Variants in TRIM6 observed in about 807,000 individuals in gnomAD.
The protein encoded by TRIM6 is tripartite motif-containing protein 6.
TRIM6 carries 43 observed loss-of-function variants against 51.2 expected under a neutral mutation model. The ratio of observed to expected loss-of-function variants is 0.84; its 90% CI spans 0.66 to 1.08. The LOEUF (loss-of-function observed/expected upper bound fraction) is 1.08. Among genes scored for constraint, TRIM6 ranks in the 50% least tolerant of loss-of-function variants. The pLI, the probability that TRIM6 is intolerant of heterozygous loss-of-function variation, is 0.00. For synonymous variants in TRIM6, 215 were observed against 232.4 expected (o/e 0.93, Z 0.68); for missense variants, 669 against 619.0 (o/e 1.08, Z -0.86).
intron 1 of TRIM6, 43 bp from the exon 2 acceptor site, chr11:5,603,203 C>G: frequency 6.3e-7 from 1 of 1,581,630 alleles, no homozygotes; most frequent in Non-Finnish European, 8.6e-7. Flanking sequence ...TATTCTCCCT[C>G]CTTTCTTACC....
Position 5,612,345 on chromosome 11 carries a change from A to G in TRIM6, c.*1003A>G, listed in dbSNP as rs1201512002. On this transcript the variant is annotated 3_prime_UTR_variant, in exon 8 of 8. Coordinates refer to ENST00000380097, the MANE Select transcript of TRIM6 (RefSeq NM_001003818.3). ...GTAGCTTCAAACTCAAATTGAAGAG[A>G]GTCTTCACTACAATCTTCACTACAA... is the stretch of plus-strand genomic sequence containing the variant. The G allele has an allele frequency of 6.6e-6, 1 of 152,206 alleles. No individual in the cohort carries two copies. The highest frequency in any genetic ancestry group is 1.5e-5 in the Non-Finnish European group (1 of 68,044). The allele number at this position is 152,206 out of a possible 1,614,324, so 9.4% of individuals were successfully genotyped here.
intron 1 of TRIM6, among the ~76,000 whole-genome samples, chr11:5,601,797 T>C (rs1344696650): frequency 6.6e-6 from 1 of 152,052 alleles, no homozygotes; most frequent in Non-Finnish European, 1.5e-5. Context: ...TTGTGGCCAT[T>C]GCTGTTTCTT....
Position 5,604,614 on chromosome 11 carries a change from GA to G in TRIM6, c.592del (p.Thr198HisfsTer25). ...EKLTAFIREK[K>X]TSWKNQMEPE... ...AGCTAACAGCTTTTATCAGAGAGAA[GA>G]AAACATCCTGGAAGGCAAGGGAGAC... On this transcript the variant is annotated frameshift_variant, in exon 3 of 8. Transcript: ENST00000380097. LOFTEE classifies it high-confidence loss of function. The G allele has an allele frequency of 6.2e-7, 1 of 1,612,924 alleles. No individual in the cohort carries two copies. The highest frequency in any genetic ancestry group is 8.5e-7 in the Non-Finnish European group (1 of 1,179,514).
chr11:5,609,662 C>T (rs1026089350), intron 5 of TRIM6, among the ~76,000 whole-genome samples: 2 of 152,130 alleles, frequency 1.3e-5, no homozygotes, highest in Non-Finnish European at 2.9e-5. Flanking sequence ...GTGACTCACA[C>T]CTGTAATCCC....
chr11:5,604,753 C>A, intron 3 of TRIM6, 124 bp downstream of exon 3: 2 of 997,916 alleles, frequency 2.0e-6, no homozygotes, highest in Non-Finnish European at 2.8e-6. Flanking sequence ...CTTCCCTTTG[C>A]CTGGTCCTCC....
chr11:5,611,293 A>G lies in TRIM6; in HGVS notation c.1502A>G (p.Asn501Ser), dbSNP rs766728889. Residue 501 changes from asparagine to serine, a missense_variant, in exon 8 of 8, where the codon AAT becomes AGT. Physicochemically the swap from Asn to Ser is conservative, Grantham distance 46. Transcript: ENST00000380097. ...YFPTTLCPYF[N>S]PCNCVIPMTL... The stretch of plus-strand genomic sequence containing the variant: ...CCCACTACTCTTTGTCCATATTTTA[A>G]TCCTTGCAACTGTGTAATTCCTATG... 1 of 1,614,066 alleles carries G rather than the reference A, an allele frequency of 6.2e-7. No homozygotes were observed. Among genetic ancestry groups the G allele is most frequent in the South Asian group, 1.1e-5 (1 of 91,078 alleles).
Position 5,605,323 on chromosome 11 carries a change from C to T in TRIM6, c.604-14C>T. On this transcript the variant is annotated splice_polypyrimidine_tract_variant and intron_variant, in intron 3 of 7. Coordinates refer to ENST00000380097, the MANE Select transcript of TRIM6 (RefSeq NM_001003818.3). ...GACCGACTAGCAGCCTCTTTTTCTTCCCTGTTCCTGAAGAATCAGATGGAG... is the reference window on the plus strand; with the variant it reads ...GACCGACTAGCAGCCTCTTTTTCTTTCCTGTTCCTGAAGAATCAGATGGAG... 1 of 1,613,858 alleles carries T rather than the reference C, an allele frequency of 6.2e-7. No homozygotes were observed. The highest frequency in any genetic ancestry group is 8.5e-7 in the Non-Finnish European group (1 of 1,179,944).
At position 5,612,096 on chromosome 11, in the gene TRIM6, C is replaced by G. The variant is rs182720892; in HGVS notation, c.*754C>G. ...GTTACCACAACTTGCTGAAATACAC[C>G]ATTATTATTTGTTGTATGCAATACT... On this transcript the variant is annotated 3_prime_UTR_variant, in exon 8 of 8. Transcript: ENST00000380097. 3.3e-5 allele frequency: 5 copies of G among 152,134 alleles called. No homozygotes were observed. Among genetic ancestry groups the G allele is most frequent in the Non-Finnish European group, 5.9e-5 (4 of 68,024 alleles). The allele number at this position is 152,134 out of a possible 1,614,324, so 9.4% of individuals were successfully genotyped here. A position where few individuals can be genotyped will look rare whatever the true frequency, so the allele number is the denominator to read the frequency against.
upstream of TRIM6, chr11:5,596,515 TCCCCTTCCCCCCTTCCCCCTTCCCCCTTC>T (rs1847459132): frequency 4.0e-5 from 1 of 24,840 alleles, no homozygotes; most frequent in African/African-American, 1.5e-4. Flanking sequence ...TCCCCCGTTC[TCCCCTTCCCCCCTTCCCCCTTCCCCCTTC>T]CCCCTTCCCC....
chr11:5,609,850 G>C (rs535645413), intron 5 of TRIM6, among the ~76,000 whole-genome samples: 1 of 152,294 alleles, frequency 6.6e-6, no homozygotes, highest in East Asian at 1.9e-4. Flanking sequence ...TTGAACCTGG[G>C]AGGTGGAGGT....
chr11:5,605,686 G>A (rs1184202799), intron 4 of TRIM6, 119 bp downstream of exon 4: 15 of 1,215,198 alleles, frequency 1.2e-5, no homozygotes, highest in African/African-American at 7.7e-5. Context: ...TTCCTTTGGC[G>A]CTATAGTGCC....
rs776602610 is a variant in TRIM6, at chr11:5,603,527, G to A, written c.299G>A (p.Arg100Gln). The A allele has an allele frequency of 5.6e-6, 9 of 1,613,900 alleles. No individual in the cohort carries two copies. The highest frequency in any genetic ancestry group is 4.5e-5 in the East Asian group (2 of 44,868). ...SYQPGNLRPNRHLANIVRRLR... is the reference protein window; with the variant it reads ...SYQPGNLRPNQHLANIVRRLR... The stretch of plus-strand genomic sequence containing the variant: ...CAGCCAGGGAACCTGCGGCCTAATC[G>A]GCATCTGGCCAACATAGTGAGGCGG... The change falls in exon 2 of 8, where the codon CGG becomes CAG. Residue 100 changes from arginine (R) to glutamine (Q), a missense_variant. Coordinates refer to ENST00000380097, the MANE Select transcript of TRIM6 (RefSeq NM_001003818.3).
chr11:5,596,914 G>A lies in TRIM6; in HGVS notation c.17G>A (p.Arg6Lys), dbSNP rs759831519. 11 of 1,613,958 alleles carry A rather than the reference G, an allele frequency of 6.8e-6. No individual in the cohort carries two copies. The African/African-American group carries it at 1.1e-4, about 16-fold the overall frequency. MCGSE[R>K]ILQAGNILEI... is the part of the protein sequence containing the mutation. ...ATTCCCCAGATGTGCGGGTCAGAGA[G>A]GTATGTCTACCGTTCTGTTGACTGG... The change falls in exon 1 of 8, where the codon AGG becomes AAG. Residue 6 changes from arginine to lysine, a missense_variant and splice_region_variant. Physicochemically the swap from Arg to Lys is conservative, Grantham distance 26. Coordinates refer to ENST00000380097, the MANE Select transcript of TRIM6 (RefSeq NM_001003818.3).
chr11:5,608,260 T>G, intron 4 of TRIM6, 112 bp from the exon 5 acceptor site: 1 of 1,491,502 alleles, frequency 6.7e-7, no homozygotes, highest in East Asian at 2.4e-5. Context: ...GGCCTCCACA[T>G]TAGGATTATC....
chr11:5,607,898 G>A (rs889762807), intron 4 of TRIM6, among the ~76,000 whole-genome samples: 3 of 152,178 alleles, frequency 2.0e-5, no homozygotes, highest in Non-Finnish European at 4.4e-5. Context: ...ATCAACATGT[G>A]TACATTAAAA....
intron 1 of TRIM6, among the ~76,000 whole-genome samples, chr11:5,598,213 A>C (rs983770840): frequency 2.6e-5 from 4 of 152,200 alleles, no homozygotes; most frequent in Admixed American, 6.5e-5. Flanking sequence ...GCAGCCTCCC[A>C]TATCTCCCTT....
chr11:5,604,644 T>G lies in TRIM6; in HGVS notation c.603+15T>G. ...CATCCTGGAAGGCAAGGGAGACTTT[T>G]TCTGAAGATGTCCTGGGGCAGGAAT... On this transcript the variant is annotated intron_variant, in intron 3 of 7. Transcript: ENST00000380097. The G allele has an allele frequency of 9.9e-6, 16 of 1,608,390 alleles. No individual in the cohort carries two copies. The highest frequency in any genetic ancestry group is 1.4e-5 in the Non-Finnish European group (16 of 1,177,708).
Position 5,603,712 on chromosome 11 carries a change from G to A in TRIM6, c.484G>A (p.Glu162Lys). 1 of 1,613,480 alleles carries A rather than the reference G, an allele frequency of 6.2e-7. No homozygotes were observed. The highest frequency in any genetic ancestry group is 8.5e-7 in the Non-Finnish European group (1 of 1,179,924). ...EHRGHHTFLV[E>K]EVAQEYQEKF... is the part of the protein sequence containing the mutation. ...CCGTGGTCACCACACGTTCCTCGTGGAGGAGGTTGCCCAGGAGTACCAGGT... is the reference window on the plus strand; with the variant it reads ...CCGTGGTCACCACACGTTCCTCGTGAAGGAGGTTGCCCAGGAGTACCAGGT... The change falls in exon 2 of 8, where the codon GAG becomes AAG. Residue 162 changes from glutamate (E) to lysine (K), a missense_variant. By Grantham distance (56) the Glu-to-Lys change is moderately conservative (BLOSUM62 1). Transcript: ENST00000380097.
rs1344681188 is a variant in TRIM6 at position 5,611,316 on chromosome 11, A to T, written c.1525A>T (p.Met509Leu). The change falls in exon 8 of 8, where the codon ATG (methionine) becomes TTG (leucine). Residue 509 changes from methionine (M) to leucine (L), a missense_variant. Coordinates refer to ENST00000380097, the MANE Select transcript of TRIM6 (RefSeq NM_001003818.3). ...YFNPCNCVIP[M>L]TLRRPSS is the part of the protein sequence containing the mutation. The stretch of plus-strand genomic sequence containing the variant: ...TAATCCTTGCAACTGTGTAATTCCT[A>T]TGACCCTGCGTCGTCCAAGCTCTTG... 11 of 1,613,904 alleles carry T rather than the reference A, an allele frequency of 6.8e-6. No homozygotes were observed. The highest frequency in any genetic ancestry group is 9.3e-6 in the Non-Finnish European group (11 of 1,179,942).
Sources: gnomAD v4.1 joint callset for allele counts (sites outside exome capture counted in the v4.1 genomes callset) on GRCh38, gnomAD v4.1.1 for gene constraint, MANE v1.5 for transcripts, NCBI Gene and HGNC (gene_info 2026-07-23, HGNC 2026-07-21) for gene names.